TOGARAM2: variants seen among roughly 807,000 people sequenced by gnomAD.
TOGARAM2 encodes TOG array regulator of axonemal microtubules protein 2.
Under a neutral mutation model 93.3 loss-of-function variants are expected in TOGARAM2, and 85 were observed. The ratio of observed to expected loss-of-function variants is 0.91; its 90% CI spans 0.76 to 1.09. The LOEUF is 1.09. Ranked by LOEUF, TOGARAM2 falls within the 50% of genes least tolerant of loss-of-function variation. The pLI is 0.00. For synonymous variants in TOGARAM2, 593 were observed against 552.8 expected (o/e 1.07, Z -1.02); for missense variants, 1,277 against 1,334.5 (o/e 0.96, Z 0.67).
At chr2:29,045,587 TC>T in intron 19 of TOGARAM2, 177 bp downstream of exon 19, 1 of 628,632 alleles carries the variant, frequency 1.6e-6, no homozygotes, top group Non-Finnish European at 2.8e-6. Flanking sequence ...CAGAAGACAA[TC>T]TTTGTTTTTG....
At chr2:28,972,930 C>G (rs1410943274) in intron 1 of TOGARAM2, among the ~76,000 whole-genome samples, 1 of 152,212 alleles carries the variant, frequency 6.6e-6, no homozygotes, top group Non-Finnish European at 1.5e-5. Flanking sequence ...CTTAAGAAGT[C>G]TGTCCTCCTA....
At chr2:29,002,454 G>T in intron 4 of TOGARAM2, 82 bp from the exon 5 acceptor site, 1 of 1,242,368 alleles carries the variant, frequency 8.0e-7, no homozygotes, top group Non-Finnish European at 1.1e-6. Context: ...AGGGCAGAAG[G>T]CCCCGTTGCT....
At chr2:29,007,822 C>A (rs1663976542) in intron 6 of TOGARAM2, among the ~76,000 whole-genome samples, 1 of 151,956 alleles carries the variant, frequency 6.6e-6, no homozygotes, top group Admixed American at 6.6e-5. Context: ...GCCTTCTTAC[C>A]CCTCCAGACC....
In TOGARAM2 at chr2:29,014,384, CA is replaced by C. The variant is rs760383335; in HGVS notation, c.878-9del. 91 of 1,609,286 alleles carry C rather than the reference CA, an allele frequency of 5.7e-5. No homozygotes were observed. The highest frequency in any genetic ancestry group is 1.5e-4 in the Admixed American group (9 of 59,556). On this transcript the variant is annotated splice_polypyrimidine_tract_variant and intron_variant, in intron 7 of 19. Coordinates refer to ENST00000379558, the MANE Select transcript of TOGARAM2 (RefSeq NM_199280.4). ...GTGTCTTCAGCTCCACCCCTGTTCT[CA>C]ACCCCTCAGAGCCAAAACCTTTGGC...
rs1488361369 is a variant in TOGARAM2 at position 28,998,302 on chromosome 2, A to G, written c.139+49A>G. The G allele has an allele frequency of 2.2e-6, 3 of 1,373,856 alleles. No homozygotes were observed. The African/African-American group carries it at 4.3e-5, about 20-fold the overall frequency. The allele number at this position is 1,373,856 out of a possible 1,614,324, so 85.1% of individuals were successfully genotyped here. A position where few individuals can be genotyped will look rare whatever the true frequency, so the allele number is the denominator to read the frequency against. Reference sequence around the variant, plus strand: ...GTCAGGGCCCCTGGCCTCATCCTGGAGCGGGGAGTGAGTGTGGTAGATGCC... The same window carrying G: ...GTCAGGGCCCCTGGCCTCATCCTGGGGCGGGGAGTGAGTGTGGTAGATGCC... On this transcript the variant is annotated intron_variant, in intron 3 of 19. Transcript: ENST00000379558.
At chr2:28,987,354 A>G (rs7569861) in intron 1 of TOGARAM2, among the ~76,000 whole-genome samples, 69,915 of 151,822 alleles carry the variant, frequency 0.46, 16,772 homozygotes, top group Middle Eastern at 0.54. Context: ...CAGTGGCATG[A>G]TCTCGGTTCA....
chr2:29,033,948 AG>A (rs1665932881), intron 16 of TOGARAM2, among the ~76,000 whole-genome samples: 1 of 152,138 alleles, frequency 6.6e-6, no homozygotes, highest in African/African-American at 2.4e-5. Context: ...GCCTGAACTA[AG>A]GCAGATGAGA....
At chr2:28,988,461 C>G (rs953326557) in intron 1 of TOGARAM2, among the ~76,000 whole-genome samples, 2 of 152,162 alleles carry the variant, frequency 1.3e-5, no homozygotes, top group Non-Finnish European at 2.9e-5. Flanking sequence ...TCTGGCCCAG[C>G]CTGTGCCCTT....
At position 29,023,165 on chromosome 2, in the gene TOGARAM2, G is replaced by T; in HGVS notation, c.1591G>T (p.Asp531Tyr). 1 of 1,597,638 alleles carries T rather than the reference G, an allele frequency of 6.3e-7. No homozygotes were observed. The highest frequency in any genetic ancestry group is 1.7e-5 in the Admixed American group (1 of 57,518). ...HSEVLTGKLH[D>Y]VCLVVTGEVT... ...AGAGGTCCTCACCGGGAAGCTGCAC[G>T]ACGTGTGCTTGGTGGTGACTGGGGA... The change falls in exon 12 of 20, where the codon GAC becomes TAC. Residue 531 changes from aspartate to tyrosine, a missense_variant. Transcript: ENST00000379558.
Position 29,011,443 on chromosome 2 carries a change from C to T in TOGARAM2, c.831-12C>T, listed in dbSNP as rs543477480. On this transcript the variant is annotated splice_polypyrimidine_tract_variant and intron_variant, in intron 6 of 19. Coordinates refer to ENST00000379558, the MANE Select transcript of TOGARAM2 (RefSeq NM_199280.4). ...TCCCTCATGATGCTTTTCTCTCCCC[C>T]GTTCTTTTAAGATTGGCTCGGGGGA... The T allele has an allele frequency of 2.6e-5, 42 of 1,610,694 alleles. No individual in the cohort carries two copies. Among genetic ancestry groups the T allele is most frequent in the Middle Eastern group, 1.7e-4 (1 of 6,046 alleles).
chr2:29,018,957 A>G (rs541121819), intron 10 of TOGARAM2, among the ~76,000 whole-genome samples: 1 of 152,280 alleles, frequency 6.6e-6, no homozygotes, highest in Admixed American at 6.5e-5. Flanking sequence ...CTTTCATTGT[A>G]AATATTTATC....
At chr2:29,047,736 C>G (rs921098) in intron 19 of TOGARAM2, 91,050 of 152,212 alleles carry the variant, frequency 0.6, 27,718 homozygotes, top group East Asian at 0.7. Context: ...AGAAGGTGGC[C>G]TGGGCTGTGG....
intron 4 of TOGARAM2, 131 bp downstream of exon 4, chr2:28,999,599 A>ATG: frequency 9.5e-7 from 1 of 1,055,036 alleles, no homozygotes; most frequent in Non-Finnish European, 1.3e-6. Flanking sequence ...CGGTGGGTAC[A>ATG]TACCAGGTAC....
At chr2:28,978,898 CCACCAGGGGTCGAT>C (rs1451193959), upstream of TOGARAM2, among the ~76,000 whole-genome samples, 4 of 152,114 alleles carry the variant, frequency 2.6e-5, no homozygotes, top group African/African-American at 9.7e-5. Context: ...GGCCGCCCTT[CCACCAGGGGTCGAT>C]ACAGGCTTTG....
In TOGARAM2 at chr2:29,052,153, G is replaced by T. The variant is rs1667112017; in HGVS notation, c.*60G>T. The T allele has an allele frequency of 1.5e-6, 2 of 1,349,072 alleles. No individual in the cohort carries two copies. The highest frequency in any genetic ancestry group is 1.7e-5 in the South Asian group (1 of 58,808). 83.6% of individuals were successfully genotyped at this position (1,349,072 alleles called of 1,614,324 possible). On this transcript the variant is annotated 3_prime_UTR_variant, in exon 20 of 20. Transcript: ENST00000379558. ...TATTTTTTTGATGGACTATTCTCCT[G>T]GTTACTTTCCCCCTTAGAGTTCCAG...
In TOGARAM2 at chr2:29,000,443, C is replaced by T. The variant is rs145323322; in HGVS notation, c.427+975C>T. Among the ~76,000 whole-genome samples the T allele has an allele frequency of 2.3e-3, 352 of 152,254 alleles. 1 individual carries two copies. Among genetic ancestry groups the T allele is most frequent in the African/African-American group, 8.1e-3 (335 of 41,538 alleles). On this transcript the variant is annotated intron_variant, in intron 4 of 19. Coordinates refer to ENST00000379558, the MANE Select transcript of TOGARAM2 (RefSeq NM_199280.4). ...CACTATTAATAATACTTCTGTGTTA[C>T]TGTGGGGGTTTAATGAAAACTTGTA...
chr2:28,956,609 T>C (rs994040233), upstream of TOGARAM2: 1 of 152,186 alleles, frequency 6.6e-6, no homozygotes, highest in Non-Finnish European at 1.5e-5. The surrounding 1 kb of genome is among the most constrained non-coding windows in gnomAD (Gnocchi z 4.5). Flanking sequence ...GATCGATAGA[T>C]GCTTGGGGTG....
intron 14 of TOGARAM2, among the ~76,000 whole-genome samples, chr2:29,027,702 G>T (rs1665493680): frequency 6.6e-6 from 1 of 152,192 alleles, no homozygotes; most frequent in South Asian, 2.1e-4. Flanking sequence ...AGGCTGCAAT[G>T]CAATGGAGTT....
chr2:29,001,414 C>T (rs1268312227), intron 4 of TOGARAM2, among the ~76,000 whole-genome samples: 1 of 151,886 alleles, frequency 6.6e-6, no homozygotes, highest in Non-Finnish European at 1.5e-5. Flanking sequence ...GCGATTTTGG[C>T]TCACTGCAAC....
Sources: allele counts gnomAD v4.1 joint callset (sites outside exome capture counted in the v4.1 genomes callset), GRCh38; gene constraint gnomAD v4.1.1; non-coding constraint Gnocchi (gnomAD v3.1); transcripts MANE v1.5; gene names NCBI Gene and HGNC (gene_info 2026-07-23, HGNC 2026-07-21).